Variants in PKHD1L1 observed in about 807,000 individuals in gnomAD.
PKHD1L1 encodes the protein PKHD1 like 1.
A neutral mutation model predicts 462.9 loss-of-function variants in PKHD1L1; 434 were observed. The observed-to-expected ratio is 0.94, with a 90% confidence interval of 0.87 to 1.02. The LOEUF is 1.02. Ranked by LOEUF, PKHD1L1 falls within the 50% of genes least tolerant of loss-of-function variation. The pLI, the probability that PKHD1L1 is intolerant of heterozygous loss-of-function variation, is 0.00. For synonymous variants in PKHD1L1, 1,781 were observed against 1,750.0 expected, an observed-to-expected ratio of 1.02 and a Z score of -0.44; for missense variants, 5,202 against 5,096.1, an observed-to-expected ratio of 1.02 and a Z score of -0.63.
intron 50 of PKHD1L1, among the ~76,000 whole-genome samples, chr8:109,468,089 T>G (rs1269189730): frequency 6.6e-6 from 1 of 152,210 alleles, no homozygotes; most frequent in Non-Finnish European, 1.5e-5. Flanking sequence ...TTTAAAAATT[T>G]TAAACGATGT....
chr8:109,456,419 T>G (rs1438162839), intron 46 of PKHD1L1, 28 bp downstream of exon 46: 1 of 1,559,386 alleles, frequency 6.4e-7, no homozygotes, highest in Non-Finnish European at 8.7e-7. Context: ...CTTAATGATG[T>G]GTATTTAGAA....
rs1239253334 is a variant in PKHD1L1 at position 109,443,844 on chromosome 8, T to C, written c.4733T>C (p.Val1578Ala). 1.2e-6 allele frequency: 2 copies of C among 1,613,718 alleles called. No homozygotes were observed. Among genetic ancestry groups the C allele is most frequent in the African/African-American group, 2.7e-5 (2 of 74,930 alleles). The change falls in exon 37 of 78, where the codon GTA (valine) becomes GCA (alanine). Residue 1578 changes from valine (V) to alanine (A), a missense_variant. Val to Ala is a moderately conservative substitution (Grantham distance 64). This residue lies in a region of PKHD1L1 where 4,497 missense variants were observed against 4,336.8 expected (regional missense o/e 1.04). Coordinates refer to ENST00000378402, the MANE Select transcript of PKHD1L1 (RefSeq NM_177531.6). ...AACATTACTCCGTCCACTGGAACAG[T>C]AAATGAACTAATAACAATTATTGGA... The part of the protein sequence containing the change: ...ISNITPSTGT[V>A]NELITIIGHG...
chr8:109,464,919 G>C lies in PKHD1L1; in HGVS notation c.8087G>C (p.Trp2696Ser), dbSNP rs780890319. 3 of 1,613,692 alleles carry C rather than the reference G, an allele frequency of 1.9e-6. No individual in the cohort carries two copies. Among genetic ancestry groups the C allele is most frequent in the Non-Finnish European group, 2.5e-6 (3 of 1,179,808 alleles). The change falls in exon 49 of 78, where the codon TGG (tryptophan) becomes TCG (serine). Residue 2696 changes from tryptophan (W) to serine (S), a missense_variant. Trp to Ser is a radical substitution (Grantham distance 177, BLOSUM62 -3). Around this residue, in one of 3 missense-constraint regions of PKHD1L1, gnomAD observed 4,497 missense variants for 4,336.8 expected, o/e 1.04. Transcript: ENST00000378402. ...KRILAPYVGG[W>S]GETNGAVIKN... ...ATCCTGGCTCCTTATGTTGGAGGGT[G>C]GGGTGAAACCAATGGAGCGGTGATT...
chr8:109,510,709 C>G (rs1819926293), intron 70 of PKHD1L1, 68 bp from the exon 71 acceptor site: 3 of 1,487,902 alleles, frequency 2.0e-6, no homozygotes, highest in Non-Finnish European at 2.7e-6. Flanking sequence ...AATACAATTA[C>G]TCTTCAGATT....
intron 34 of PKHD1L1, among the ~76,000 whole-genome samples, chr8:109,441,755 AT>A (rs1252429089): frequency 5.3e-5 from 8 of 150,484 alleles, no homozygotes; most frequent in African/African-American, 9.8e-5. Context: ...TGACTTTCCA[AT>A]TTTTTTTTCA....
At chr8:109,491,658 C>T (rs1818832879) in intron 61 of PKHD1L1, among the ~76,000 whole-genome samples, 1 of 151,648 alleles carries the variant, frequency 6.6e-6, no homozygotes, top group Non-Finnish European at 1.5e-5. Flanking sequence ...TAACAAGCAT[C>T]CCAGAAGATT....
chr8:109,466,786 A>G lies in PKHD1L1; in HGVS notation c.8605+17A>G. On this transcript the variant is annotated intron_variant, in intron 50 of 77. Coordinates refer to ENST00000378402, the MANE Select transcript of PKHD1L1 (RefSeq NM_177531.6). ...ACTCTTTTGGTAAGTGGAATATATT[A>G]GTTTAAACAACTAATTTAAATATAT... 1 of 1,576,810 alleles carries G rather than the reference A, an allele frequency of 6.3e-7. No homozygotes were observed. Among genetic ancestry groups the G allele is most frequent in the South Asian group, 1.2e-5 (1 of 84,664 alleles).
At position 109,515,267 on chromosome 8, in the gene PKHD1L1, A is replaced by G; in HGVS notation, c.11651A>G (p.Gln3884Arg). Residue 3884 changes from glutamine to arginine, a missense_variant, in exon 72 of 78, where the codon CAG becomes CGG. Physicochemically the swap from Gln to Arg is conservative, Grantham distance 43 (BLOSUM62 1). Transcript: ENST00000378402. ...VCPKTTIWNA[Q>R]QKHCELNNHL... ...CCAAAAACTACAATATGGAATGCCCAGCAGAAACACTGTGAACTTAATAAC... is the reference window on the plus strand; with the variant it reads ...CCAAAAACTACAATATGGAATGCCCGGCAGAAACACTGTGAACTTAATAAC... 1 of 1,602,908 alleles carries G rather than the reference A, an allele frequency of 6.2e-7. No individual in the cohort carries two copies. The highest frequency in any genetic ancestry group is 1.3e-5 in the African/African-American group (1 of 74,764).
At chr8:109,509,483 T>G (rs1367402463) in intron 70 of PKHD1L1, among the ~76,000 whole-genome samples, 4 of 151,806 alleles carry the variant, frequency 2.6e-5, no homozygotes, top group Non-Finnish European at 4.4e-5. Flanking sequence ...TTTAAAGAAG[T>G]CTTATGTAAA....
rs1315668495 is a variant in PKHD1L1, at chr8:109,438,306, T to A, written c.3628-18T>A. On this transcript the variant is annotated intron_variant, in intron 30 of 77. Coordinates refer to ENST00000378402, the MANE Select transcript of PKHD1L1 (RefSeq NM_177531.6). ...TCTCAACAATTAATATTTTCTAATT[T>A]TTTTCCTCTTATTTTAGAAAACTGA... The A allele has an allele frequency of 6.9e-7, 1 of 1,440,076 alleles. No homozygotes were observed. The highest frequency in any genetic ancestry group is 2.5e-5 in the Admixed American group (1 of 40,046). 89.2% of individuals were successfully genotyped at this position (1,440,076 alleles called of 1,614,324 possible). A position where few individuals can be genotyped will look rare whatever the true frequency, so the allele number is the denominator to read the frequency against.
At position 109,483,098 on chromosome 8, in the gene PKHD1L1, A is replaced by T; in HGVS notation, c.9569A>T (p.Asp3190Val). Residue 3190 changes from aspartate (D) to valine (V), a missense_variant, in exon 57 of 78, where the codon GAT becomes GTT. By Grantham distance (152) the Asp-to-Val change is radical. Transcript: ENST00000378402. ...GTCCTGTCTCTGATGGATGCTGTGG[A>T]TTGGCAGGTAGACAAAATAATTATG... ...SKVLSLMDAV[D>V]WQEGEEIVIT... is the part of the protein sequence containing the mutation. The T allele has an allele frequency of 6.3e-7, 1 of 1,575,964 alleles. No homozygotes were observed. Among genetic ancestry groups the T allele is most frequent in the Non-Finnish European group, 8.6e-7 (1 of 1,161,086 alleles).
chr8:109,417,188 CAATT>C (rs1274074151), intron 21 of PKHD1L1, among the ~76,000 whole-genome samples: 1 of 152,026 alleles, frequency 6.6e-6, no homozygotes, highest in Non-Finnish European at 1.5e-5. Context: ...CATTTAAAAA[CAATT>C]AAAATATAAT....
intron 50 of PKHD1L1, among the ~76,000 whole-genome samples, chr8:109,473,601 C>T (rs978968210): frequency 6.6e-6 from 1 of 151,928 alleles, no homozygotes; most frequent in Non-Finnish European, 1.5e-5. Context: ...AATCCAGGAG[C>T]AAATTCTAGA....
Position 109,465,060 on chromosome 8 carries a change from T to C in PKHD1L1, c.8228T>C (p.Phe2743Ser). 1.2e-6 allele frequency: 2 copies of C among 1,613,816 alleles called. No homozygotes were observed. The highest frequency in any genetic ancestry group is 1.7e-6 in the Non-Finnish European group (2 of 1,179,792). The part of the protein sequence containing the change: ...SEGLTVSSVH[F>S]MNFDRPNCVA... ...GGCTTGACTGTCTCTTCTGTGCACT[T>C]TATGAACTTTGACCGTCCCAACTGT... is the stretch of plus-strand genomic sequence containing the variant. Residue 2743 changes from phenylalanine to serine, a missense_variant, in exon 49 of 78, where the codon TTT becomes TCT. Coordinates refer to ENST00000378402, the MANE Select transcript of PKHD1L1 (RefSeq NM_177531.6).
intron 53 of PKHD1L1, among the ~76,000 whole-genome samples, chr8:109,478,768 G>C (rs9297428): frequency 6.6e-6 from 1 of 152,014 alleles, no homozygotes. Flanking sequence ...ATGTGATAAA[G>C]GTAAACTACG....
intron 16 of PKHD1L1, among the ~76,000 whole-genome samples, chr8:109,405,361 T>C (rs1049606257): frequency 1.3e-5 from 2 of 152,134 alleles, no homozygotes; most frequent in African/African-American, 4.8e-5. Flanking sequence ...TAATGATAAA[T>C]ATATATCTAA....
intron 11 of PKHD1L1, among the ~76,000 whole-genome samples, chr8:109,396,637 G>C (rs1812993082): frequency 6.6e-6 from 1 of 152,202 alleles, no homozygotes; most frequent in South Asian, 2.1e-4. Flanking sequence ...TGAGTTATCT[G>C]TTTACAAATC....
chr8:109,393,566 T>C (rs1812809151), intron 9 of PKHD1L1, among the ~76,000 whole-genome samples: 1 of 152,146 alleles, frequency 6.6e-6, no homozygotes, highest in African/African-American at 2.4e-5. Context: ...TCACACACAT[T>C]AGTGGGCAGA....
chr8:109,365,846 C>T (rs1227897024), intron 2 of PKHD1L1, among the ~76,000 whole-genome samples: 6 of 152,226 alleles, frequency 3.9e-5, no homozygotes, highest in Middle Eastern at 3.4e-3. Flanking sequence ...TGGTGGCGCG[C>T]GCCTGTAGTC....
Sources: allele counts gnomAD v4.1 joint callset (sites outside exome capture counted in the v4.1 genomes callset), GRCh38; gene constraint gnomAD v4.1.1; regional missense constraint gnomAD v4.1.1; transcripts MANE v1.5; gene names NCBI Gene and HGNC (gene_info 2026-07-23, HGNC 2026-07-21).